AMN1: variants seen among roughly 807,000 people sequenced by gnomAD.
The protein encoded by AMN1 is protein AMN1 homolog.
AMN1 carries 20 observed loss-of-function variants against 33.0 expected under a neutral mutation model. That is an observed-to-expected ratio of 0.61 (90% confidence interval 0.43 to 0.88). The LOEUF is 0.88. Among genes scored for constraint, AMN1 ranks in the 40% least tolerant of loss-of-function variants. The pLI is 0.00. For missense variants in AMN1, 246 were observed against 307.4 expected (o/e 0.80, Z 1.49); for synonymous variants, 114 against 111.9 (o/e 1.02, Z -0.12).
intron 6 of AMN1, among the ~76,000 whole-genome samples, chr12:31,685,233 T>C (rs1326975496): frequency 6.6e-6 from 1 of 151,944 alleles, no homozygotes; most frequent in African/African-American, 2.4e-5. Flanking sequence ...TTCACCATGT[T>C]GGCCAGGTTG....
At chr12:31,695,612 A>G (rs1938691934) in intron 5 of AMN1, among the ~76,000 whole-genome samples, 1 of 151,434 alleles carries the variant, frequency 6.6e-6, no homozygotes, top group Admixed American at 6.6e-5. Flanking sequence ...CAGGCTCCCA[A>G]GTAGCTGGGA....
chr12:31,710,455 T>C (rs1939420205), intron 1 of AMN1, among the ~76,000 whole-genome samples: 1 of 152,102 alleles, frequency 6.6e-6, no homozygotes, highest in Non-Finnish European at 1.5e-5. Context: ...TTTTCCTCTT[T>C]TGGTTTCCTA....
chr12:31,710,231 A>T (rs1412249568), intron 1 of AMN1, among the ~76,000 whole-genome samples: 2 of 152,218 alleles, frequency 1.3e-5, no homozygotes, highest in Non-Finnish European at 2.9e-5. Context: ...CAGAAAGTAG[A>T]GTTATCAGGC....
intron 1 of AMN1, among the ~76,000 whole-genome samples, chr12:31,716,762 C>T (rs1261963568): frequency 6.6e-6 from 1 of 152,126 alleles, no homozygotes; most frequent in African/African-American, 2.4e-5. Context: ...ATATACGTTG[C>T]AAATATATTC....
chr12:31,706,641 C>T (rs1284382428), intron 2 of AMN1, among the ~76,000 whole-genome samples: 1 of 152,166 alleles, frequency 6.6e-6, no homozygotes, highest in East Asian at 1.9e-4. Flanking sequence ...AAATCAGAGG[C>T]TGAAGGTTAA....
At chr12:31,696,910 G>C (rs1323773017) in intron 5 of AMN1, among the ~76,000 whole-genome samples, 2 of 148,556 alleles carry the variant, frequency 1.3e-5, no homozygotes, top group East Asian at 3.9e-4. Context: ...AACAGTGGGA[G>C]ACTCCGTCTC....
chr12:31,692,517 G>A (rs1938547655), intron 5 of AMN1, among the ~76,000 whole-genome samples: 1 of 151,234 alleles, frequency 6.6e-6, no homozygotes, highest in Non-Finnish European at 1.5e-5. Flanking sequence ...AAATATTTCT[G>A]GCAGATTAGG....
intron 2 of AMN1, 22 bp from the exon 3 acceptor site, chr12:31,702,029 G>C (rs1320935173): frequency 1.9e-6 from 3 of 1,545,626 alleles, no homozygotes; most frequent in Middle Eastern, 1.8e-4. Context: ...AAGTGATTTT[G>C]AAAAAATTAT....
Position 31,672,027 on chromosome 12 carries a change from TCCAACACCA to T in AMN1, c.*268_*276del, listed in dbSNP as rs1951282746. Reference sequence around the variant, plus strand: ...TTTTAAAGTTATTTAAGAAACAGAATCCAACACCATAGATCAGAGTTCATGCTAGGATTA... The same window carrying T: ...TTTTAAAGTTATTTAAGAAACAGAATTAGATCAGAGTTCATGCTAGGATTA... On this transcript the variant is annotated 3_prime_UTR_variant, in exon 7 of 7. Transcript: ENST00000281471. The T allele has an allele frequency of 3.5e-6, 1 of 283,948 alleles. No homozygotes were observed. The highest frequency in any genetic ancestry group is 6.6e-6 in the Non-Finnish European group (1 of 152,556). 17.6% of individuals were successfully genotyped at this position (283,948 alleles called of 1,614,324 possible).
intron 1 of AMN1, among the ~76,000 whole-genome samples, chr12:31,713,669 T>C (rs1939556790): frequency 6.6e-6 from 1 of 152,080 alleles, no homozygotes; most frequent in East Asian, 1.9e-4. Flanking sequence ...GGCAAAACCC[T>C]GTCTCTACAA....
At chr12:31,725,152 A>C (rs1313414268) in intron 1 of AMN1, among the ~76,000 whole-genome samples, 2 of 152,248 alleles carry the variant, frequency 1.3e-5, no homozygotes, top group African/African-American at 4.8e-5. Context: ...GGATGGACAC[A>C]AAAAGCCAGG....
At chr12:31,697,140 G>C (rs1938764205) in intron 5 of AMN1, among the ~76,000 whole-genome samples, 1 of 151,922 alleles carries the variant, frequency 6.6e-6, no homozygotes, top group Non-Finnish European at 1.5e-5. Context: ...GGGGAAATAA[G>C]GCCTTTTATT....
chr12:31,729,021 T>C lies in AMN1; in HGVS notation c.-13A>G, dbSNP rs774824428. On this transcript the variant is annotated 5_prime_UTR_variant, in exon 1 of 7. Coordinates refer to ENST00000281471, the MANE Select transcript of AMN1 (RefSeq NM_001113402.2). ...GTGGGCGAGGCATCGCTGCAGCGTCTGAAGCCTCTTCCGCGGTCCCAGGGC... is the reference window on the plus strand; with the variant it reads ...GTGGGCGAGGCATCGCTGCAGCGTCCGAAGCCTCTTCCGCGGTCCCAGGGC... 1 of 1,540,648 alleles carries C rather than the reference T, an allele frequency of 6.5e-7. No homozygotes were observed. The highest frequency in any genetic ancestry group is 1.2e-5 in the South Asian group (1 of 83,640).
At chr12:31,673,691 G>A (rs966477044) in intron 6 of AMN1, 5 of 398,952 alleles carry the variant, frequency 1.3e-5, no homozygotes, top group African/African-American at 8.4e-5. Context: ...CTGCAGACAA[G>A]GATCTTTTAT....
chr12:31,718,710 C>T (rs569472829), intron 1 of AMN1, among the ~76,000 whole-genome samples: 2 of 152,342 alleles, frequency 1.3e-5, no homozygotes, highest in East Asian at 1.9e-4. Context: ...AGGTCCACTC[C>T]AGACCCTGTT....
rs1020557273 is a variant in AMN1, at chr12:31,671,377, C to A, written c.*927G>T. ...GTTAGCATACTTACCCCGTTTTTCA[C>A]TACATCAGAGGCAAAATAAGAAATC... On this transcript the variant is annotated 3_prime_UTR_variant, in exon 7 of 7. Coordinates refer to ENST00000281471, the MANE Select transcript of AMN1 (RefSeq NM_001113402.2). 6.6e-6 allele frequency: 1 copy of A among 152,138 alleles called. No homozygotes were observed. Among genetic ancestry groups the A allele is most frequent in the Non-Finnish European group, 1.5e-5 (1 of 68,010 alleles). 9.4% of individuals were successfully genotyped at this position (152,138 alleles called of 1,614,324 possible).
chr12:31,708,866 C>T (rs1479164130), intron 2 of AMN1: 2 of 283,500 alleles, frequency 7.1e-6, no homozygotes, highest in Non-Finnish European at 1.4e-5. Flanking sequence ...AAAAAACAAA[C>T]CCTTATACTT....
intron 1 of AMN1, among the ~76,000 whole-genome samples, chr12:31,718,778 G>A (rs1447051055): frequency 6.6e-6 from 1 of 152,228 alleles, no homozygotes; most frequent in Non-Finnish European, 1.5e-5. Flanking sequence ...TGCCCCAGAG[G>A]TGGAATCTAG....
At chr12:31,727,053 C>A (rs1940103542) in intron 1 of AMN1, among the ~76,000 whole-genome samples, 1 of 152,002 alleles carries the variant, frequency 6.6e-6, no homozygotes, top group Non-Finnish European at 1.5e-5. Context: ...CATGGTTTTG[C>A]CATGTTGCCT....
Sources: allele counts gnomAD v4.1 joint callset (sites outside exome capture counted in the v4.1 genomes callset), GRCh38; gene constraint gnomAD v4.1.1; transcripts MANE v1.5; gene names NCBI Gene and HGNC (gene_info 2026-07-23, HGNC 2026-07-21).